The following ERBIN variants were observed in gnomAD, a reference collection of about 807,000 sequenced individuals.
The protein encoded by ERBIN is densin-180-like protein.
Under a neutral mutation model 158.4 loss-of-function variants are expected in ERBIN, and 60 were observed. The ratio of observed to expected loss-of-function variants is 0.38; its 90% CI spans 0.31 to 0.47. The LOEUF is 0.47. ERBIN is among the 20% of genes least tolerant of loss of function. The pLI is 0.99. For missense variants in ERBIN, 1,610 were observed against 1,648.0 expected (o/e 0.98, Z 0.40); for synonymous variants, 594 against 557.2 (o/e 1.07, Z -0.93).
At position 66,078,587 on chromosome 5, in the gene ERBIN, G is replaced by C. The variant is rs1385810638; in HGVS notation, c.*57G>C. ...CAAGATTTATTGGAAGATACTTACAGGGGAAATTAATATTTTGACTATTTT... is the reference window on the plus strand; with the variant it reads ...CAAGATTTATTGGAAGATACTTACACGGGAAATTAATATTTTGACTATTTT... On this transcript the variant is annotated 3_prime_UTR_variant, in exon 26 of 26. Transcript: ENST00000284037. 7.0e-6 allele frequency: 7 copies of C among 993,518 alleles called. No homozygotes were observed. In the East Asian group the frequency reaches 1.7e-4, roughly 24 times the overall value. The allele number at this position is 993,518 out of a possible 1,614,324, so 61.5% of individuals were successfully genotyped here. A position where few individuals can be genotyped will look rare whatever the true frequency, so the allele number is the denominator to read the frequency against.
intron 1 of ERBIN, among the ~76,000 whole-genome samples, chr5:65,932,174 A>T (rs1449405768): frequency 6.6e-6 from 1 of 151,940 alleles, no homozygotes; most frequent in Non-Finnish European, 1.5e-5. Flanking sequence ...CCCTGTCTCT[A>T]CTAAAATACA....
intron 15 of ERBIN, among the ~76,000 whole-genome samples, chr5:66,038,779 A>G (rs1230183923): frequency 6.6e-6 from 1 of 152,056 alleles, no homozygotes; most frequent in Non-Finnish European, 1.5e-5. Context: ...TTATGTGATA[A>G]GAATTATTAA....
intron 1 of ERBIN, among the ~76,000 whole-genome samples, chr5:65,978,083 A>G (rs1375668504): frequency 2.0e-5 from 3 of 152,174 alleles, no homozygotes. Flanking sequence ...TGTGATCTGT[A>G]TTGTCACAAA....
chr5:66,061,818 G>A (rs1271633171), intron 21 of ERBIN, among the ~76,000 whole-genome samples: 2 of 152,108 alleles, frequency 1.3e-5, no homozygotes, highest in Non-Finnish European at 2.9e-5. Flanking sequence ...AGTTTGGCTG[G>A]ATATGAAATT....
At chr5:66,029,573 T>C (rs553219138) in intron 14 of ERBIN, among the ~76,000 whole-genome samples, 31 of 151,882 alleles carry the variant, frequency 2.0e-4, no homozygotes, top group Middle Eastern at 3.4e-3. Context: ...TTCTGTTCTG[T>C]CCTGTCCTGT....
intron 1 of ERBIN, among the ~76,000 whole-genome samples, chr5:65,979,094 A>G (rs1161331015): frequency 6.6e-6 from 1 of 152,060 alleles, no homozygotes; most frequent in Non-Finnish European, 1.5e-5. Flanking sequence ...ATCCTGGGAG[A>G]AGTAGAAGGA....
chr5:66,064,937 C>T (rs192612982), intron 21 of ERBIN, among the ~76,000 whole-genome samples: 293 of 152,244 alleles, frequency 1.9e-3, no homozygotes, highest in African/African-American at 6.9e-3. Flanking sequence ...TGGCCTCAAG[C>T]AATCCTCTTG....
At chr5:66,015,474 C>T (rs1412187111) in intron 7 of ERBIN, among the ~76,000 whole-genome samples, 1 of 152,138 alleles carries the variant, frequency 6.6e-6, no homozygotes, top group Non-Finnish European at 1.5e-5. Context: ...GTAGTTGTCA[C>T]TACTGTATGC....
At chr5:66,061,677 G>A (rs1224121300) in intron 21 of ERBIN, among the ~76,000 whole-genome samples, 4 of 152,178 alleles carry the variant, frequency 2.6e-5, no homozygotes, top group Admixed American at 2.6e-4. Context: ...TGCAGTGGCT[G>A]GTACCGGTTG....
In ERBIN at chr5:66,053,564, A is replaced by G. The variant is rs1041677426; in HGVS notation, c.2246A>G (p.Asp749Gly). The change falls in exon 21 of 26, where the codon GAC becomes GGC. Residue 749 changes from aspartate to glycine, a missense_variant. Physicochemically the swap from Asp to Gly is moderately conservative, Grantham distance 94. Transcript: ENST00000284037. ...ERLVLIEKSV[D>G]STATADDTHK... Reference sequence around the variant, plus strand: ...TTAGTTCTAATTGAGAAAAGTGTTGACTCAACAGCCACAGCTGATGACACT... The same window carrying G: ...TTAGTTCTAATTGAGAAAAGTGTTGGCTCAACAGCCACAGCTGATGACACT... The G allele has an allele frequency of 1.2e-6, 2 of 1,611,042 alleles. No homozygotes were observed. The highest frequency in any genetic ancestry group is 8.5e-7 in the Non-Finnish European group (1 of 1,179,198).
intron 12 of ERBIN, 151 bp from the exon 13 acceptor site, chr5:66,026,151 T>G: frequency 1.5e-6 from 1 of 682,210 alleles, no homozygotes; most frequent in Non-Finnish European, 2.3e-6. Flanking sequence ...TGCTTTCTTA[T>G]GTACATAAAA....
intron 13 of ERBIN, among the ~76,000 whole-genome samples, chr5:66,027,664 G>T (rs1489534301): frequency 6.6e-6 from 1 of 151,926 alleles, no homozygotes; most frequent in Non-Finnish European, 1.5e-5. Flanking sequence ...AATATATGGG[G>T]GGATGTGCAT....
chr5:66,025,971 C>A lies in ERBIN; in HGVS notation c.1014C>A (p.Pro338=). The change falls in exon 12 of 26, where the codon CCC becomes CCA. Residue 338 remains proline (P), a synonymous_variant. Coordinates refer to ENST00000284037, the MANE Select transcript of ERBIN (RefSeq NM_001253697.2). Reference sequence around the variant, plus strand: ...ATCATAATTACTTACAGCAGTTGCCCCCAGAGGTAATGTATTTTAGATTTG... The same window carrying A: ...ATCATAATTACTTACAGCAGTTGCCACCAGAGGTAATGTATTTTAGATTTG... ...AADHNYLQQL[P]PEIGSWKNIT... is the part of the protein sequence containing the mutation. 1 of 1,578,338 alleles carries A rather than the reference C, an allele frequency of 6.3e-7. No homozygotes were observed.
At chr5:66,007,706 A>G (rs1022114464) in intron 4 of ERBIN, among the ~76,000 whole-genome samples, 1 of 152,230 alleles carries the variant, frequency 6.6e-6, no homozygotes, top group Non-Finnish European at 1.5e-5. Context: ...TTCTCATGAA[A>G]AAGGACTGTG....
intron 1 of ERBIN, among the ~76,000 whole-genome samples, chr5:65,965,379 G>GTTTTTTTTT (rs1561304820): frequency 1.5e-4 from 16 of 103,648 alleles, no homozygotes; most frequent in Admixed American, 7.3e-4. Flanking sequence ...TTTGTTTTTT[G>GTTTTTTTTT]TTGTTTTTTT....
In ERBIN at chr5:65,994,857, C is replaced by A; in HGVS notation, c.300C>A (p.Ser100Arg). 3 of 1,592,818 alleles carry A rather than the reference C, an allele frequency of 1.9e-6. No homozygotes were observed. Among genetic ancestry groups the A allele is most frequent in the Non-Finnish European group, 2.6e-6 (3 of 1,169,894 alleles). The change falls in exon 4 of 26, where the codon AGC (serine) becomes AGA (arginine). Residue 100 changes from serine (S) to arginine (R), a missense_variant. Physicochemically the swap from Ser to Arg is moderately radical, Grantham distance 110. Coordinates refer to ENST00000284037, the MANE Select transcript of ERBIN (RefSeq NM_001253697.2). ...TTAATCTCAGGGAACTGGATGTCAG[C>A]AAGAATGGTAAGGCTTTTTTTGCCC... ...NLINLRELDVSKNGIQEFPEN... is the reference protein window; with the variant it reads ...NLINLRELDVRKNGIQEFPEN...
At chr5:65,971,617 G>A (rs1749252181) in intron 1 of ERBIN, among the ~76,000 whole-genome samples, 1 of 152,112 alleles carries the variant, frequency 6.6e-6, no homozygotes, top group Non-Finnish European at 1.5e-5. Context: ...TAACTGGAAG[G>A]CCATCAGGAG....
Position 66,049,787 on chromosome 5 carries a change from TA to T in ERBIN, c.1904-987del, listed in dbSNP as rs933355221. Among the ~76,000 whole-genome samples, 70 of 151,674 alleles carry T rather than the reference TA, an allele frequency of 4.6e-4. 1 individual carries two copies. The highest frequency in any genetic ancestry group is 8.3e-4 in the South Asian group (4 of 4,824). On this transcript the variant is annotated intron_variant, in intron 19 of 25. Transcript: ENST00000284037. ...GTGATTTGGCTAGAATTCAGTTAGTTAAAAAAAAATTTGTAGCACTACTTTA... is the reference window on the plus strand; with the variant it reads ...GTGATTTGGCTAGAATTCAGTTAGTTAAAAAAAATTTGTAGCACTACTTTA...
Position 66,081,012 on chromosome 5 carries a change from A to T in ERBIN, c.*2482A>T, listed in dbSNP as rs982265063. ...TTCAAAATTTGAATAAAATAATTAA[A>T]TTTTTTGAGGAAGTGGAGAAGACAT... On this transcript the variant is annotated 3_prime_UTR_variant, in exon 26 of 26. Coordinates refer to ENST00000284037, the MANE Select transcript of ERBIN (RefSeq NM_001253697.2). 5 of 152,002 alleles carry T rather than the reference A, an allele frequency of 3.3e-5. No homozygotes were observed. Among genetic ancestry groups the T allele is most frequent in the African/African-American group, 7.2e-5 (3 of 41,434 alleles). The allele number at this position is 152,002 out of a possible 1,614,324, so 9.4% of individuals were successfully genotyped here. A position where few individuals can be genotyped will look rare whatever the true frequency, so the allele number is the denominator to read the frequency against.
Sources: gnomAD v4.1 joint callset for allele counts (sites outside exome capture counted in the v4.1 genomes callset) on GRCh38, gnomAD v4.1.1 for gene constraint, MANE v1.5 for transcripts, NCBI Gene and HGNC (gene_info 2026-07-23, HGNC 2026-07-21) for gene names.